Variants in LIMS2 observed in about 807,000 individuals in gnomAD.
The protein encoded by LIMS2 is LIM and senescent cell antigen-like-containing domain protein 2.
A neutral mutation model predicts 45.3 loss-of-function variants in LIMS2; 30 were observed. The ratio of observed to expected loss-of-function variants is 0.66; its 90% CI spans 0.50 to 0.90. LIMS2 has a LOEUF of 0.90. LIMS2 is among the 40% of genes least tolerant of loss of function. The pLI, the probability that LIMS2 is intolerant of heterozygous loss-of-function variation, is 0.00. For missense variants in LIMS2, 485 were observed against 468.7 expected, an observed-to-expected ratio of 1.03 and a Z score of -0.32; for synonymous variants, 173 against 188.0, an observed-to-expected ratio of 0.92 and a Z score of 0.65.
rs188121752 is a variant in LIMS2, at chr2:127,653,946, G to A, written c.359+478C>T. On this transcript the variant is annotated intron_variant, in intron 4 of 9. Coordinates refer to ENST00000355119, the MANE Select transcript of LIMS2 (RefSeq NM_001161403.3). This position sits in a 1 kb window ranked among gnomAD's most constrained non-coding sequence, Gnocchi z 5.3. ...CGGGCTGCACGGGATCTCAGAGCTA[G>A]GGCCAGGGGAGGTGGGAGACAAGGC... Among the ~76,000 whole-genome samples, 29 of 152,254 alleles carry A rather than the reference G, an allele frequency of 1.9e-4. 2 individuals are homozygous for A. In the East Asian group the frequency reaches 2.1e-3, roughly 11 times the overall value.
upstream of LIMS2, among the ~76,000 whole-genome samples, chr2:127,678,406 T>A (rs993883611): frequency 5.3e-5 from 8 of 152,144 alleles, no homozygotes; most frequent in South Asian, 1.4e-3. The surrounding 1 kb of genome is among the most constrained non-coding windows in gnomAD (Gnocchi z 5.3). Context: ...TCAACTTTGA[T>A]GAGTGCTTGA....
In LIMS2 at chr2:127,672,028, G is replaced by A. The variant is rs1286557998; in HGVS notation, c.11+2986C>T. Reference sequence around the variant, plus strand: ...GGGATCTAGCAGCCTGCTCTGCGCTGTACTAAGCATGGGCTCAGCACACAA... The same window carrying A: ...GGGATCTAGCAGCCTGCTCTGCGCTATACTAAGCATGGGCTCAGCACACAA... On this transcript the variant is annotated intron_variant, in intron 1 of 9. Transcript: ENST00000355119. The surrounding 1 kb of genome is among the most constrained non-coding windows in gnomAD (Gnocchi z 4.9). Among the ~76,000 whole-genome samples, 4 of 152,206 alleles carry A rather than the reference G, an allele frequency of 2.6e-5. No homozygotes were observed. Among genetic ancestry groups the A allele is most frequent in the Non-Finnish European group, 4.4e-5 (3 of 68,028 alleles).
At chr2:127,654,793 C>T in intron 3 of LIMS2, 37 bp downstream of exon 3, 1 of 1,607,160 alleles carries the variant, frequency 6.2e-7, no homozygotes, top group Non-Finnish European at 8.5e-7. Flanking sequence ...TGCCCACTTC[C>T]CAGGCAGCCC....
intron 1 of LIMS2, among the ~76,000 whole-genome samples, chr2:127,660,972 G>C (rs12620491): frequency 2.0e-5 from 3 of 152,222 alleles, no homozygotes; most frequent in African/African-American, 4.8e-5. Flanking sequence ...CCTGTGCCCA[G>C]GGGCTGCCCC....
chr2:127,664,538 A>C lies in LIMS2; in HGVS notation c.12-6976T>G. On this transcript the variant is annotated intron_variant, in intron 1 of 9. Transcript: ENST00000355119. The surrounding 1 kb of genome is among the most constrained non-coding windows in gnomAD (Gnocchi z 5.5). Reference sequence around the variant, plus strand: ...CCTCCCCCGCGCTGGTCGCGAGCTCACGTTACGCGCTGGGATCTCCAAAGG... The same window carrying C: ...CCTCCCCCGCGCTGGTCGCGAGCTCCCGTTACGCGCTGGGATCTCCAAAGG... The C allele has an allele frequency of 8.7e-7, 1 of 1,151,328 alleles. No individual in the cohort carries two copies. Among genetic ancestry groups the C allele is most frequent in the Non-Finnish European group, 1.1e-6 (1 of 936,794 alleles). The allele number at this position is 1,151,328 out of a possible 1,614,324, so 71.3% of individuals were successfully genotyped here. A position where few individuals can be genotyped will look rare whatever the true frequency, so the allele number is the denominator to read the frequency against.
intron 4 of LIMS2, chr2:127,643,529 C>T (rs147414825): frequency 3.4e-4 from 157 of 456,796 alleles, no homozygotes; most frequent in African/African-American, 3.0e-3. Flanking sequence ...TGAAGAAGGG[C>T]CCAAACACGT....
In LIMS2 at chr2:127,638,646, G is replaced by C. The variant is rs1024408633; in HGVS notation, c.*635C>G. On this transcript the variant is annotated 3_prime_UTR_variant, in exon 10 of 10. Coordinates refer to ENST00000355119, the MANE Select transcript of LIMS2 (RefSeq NM_001161403.3). ...GGCGGAACCGAGGGCGGAGGCCAAG[G>C]TGGGATTCCAGGAAGGCCTTCCGAA... 1 of 152,838 alleles carries C rather than the reference G, an allele frequency of 6.5e-6. No homozygotes were observed. The highest frequency in any genetic ancestry group is 2.4e-5 in the African/African-American group (1 of 41,486). 9.5% of individuals were successfully genotyped at this position (152,838 alleles called of 1,614,324 possible).
chr2:127,673,846 TG>T, intron 1 of LIMS2: 1 of 1,013,290 alleles, frequency 9.9e-7, no homozygotes, highest in Non-Finnish European at 1.5e-6. Context: ...AGGCAGCCAG[TG>T]GGCCTGCAGA....
Position 127,642,962 on chromosome 2 carries a change from T to C in LIMS2, c.470A>G (p.Asp157Gly). The change falls in exon 5 of 10, where the codon GAC (aspartate) becomes GGC (glycine). Residue 157 changes from aspartate to glycine, a missense_variant. Coordinates refer to ENST00000355119, the MANE Select transcript of LIMS2 (RefSeq NM_001161403.3). The surrounding 1 kb of genome is among the most constrained non-coding windows in gnomAD (Gnocchi z 5.3). Reference protein sequence around the residue: ...IDEQPLMFRSDAYHPDHFNCT... With the variant: ...IDEQPLMFRSGAYHPDHFNCT... Reference sequence around the variant, plus strand: ...GTTGAAGTGGTCAGGGTGGTAGGCGTCGCTCCTGAACATGAGGGGCTGCTC... The same window carrying C: ...GTTGAAGTGGTCAGGGTGGTAGGCGCCGCTCCTGAACATGAGGGGCTGCTC... 1 of 1,568,570 alleles carries C rather than the reference T, an allele frequency of 6.4e-7. No individual in the cohort carries two copies. Among genetic ancestry groups the C allele is most frequent in the Non-Finnish European group, 8.6e-7 (1 of 1,156,832 alleles).
At chr2:127,644,137 T>G (rs1353575940) in intron 4 of LIMS2, 4 of 456,068 alleles carry the variant, frequency 8.8e-6, no homozygotes, top group Non-Finnish European at 1.8e-5. Flanking sequence ...GGGTGTCTCA[T>G]CATCAGCTGT....
upstream of LIMS2, among the ~76,000 whole-genome samples, chr2:127,676,707 A>G (rs1281059842): frequency 1.3e-5 from 2 of 152,140 alleles, no homozygotes; most frequent in African/African-American, 4.8e-5. Flanking sequence ...GATTCGGCTT[A>G]ACTGTAATTT....
intron 4 of LIMS2, chr2:127,650,080 GT>G: frequency 6.2e-7 from 1 of 1,601,182 alleles, no homozygotes; most frequent in Non-Finnish European, 8.5e-7. Flanking sequence ...TCTCAGGTGG[GT>G]AAAAAGAGTA....
At chr2:127,643,338 T>C (rs1682624505) in intron 4 of LIMS2, 2 of 534,812 alleles carry the variant, frequency 3.7e-6, no homozygotes, top group South Asian at 3.6e-5. Flanking sequence ...CTCTTTCTAC[T>C]TTCTCTAAGC....
chr2:127,640,062 G>T lies in LIMS2; in HGVS notation c.878+8C>A, dbSNP rs775963174. The T allele has an allele frequency of 6.2e-7, 1 of 1,613,212 alleles. No homozygotes were observed. Among genetic ancestry groups the T allele is most frequent in the South Asian group, 1.1e-5 (1 of 91,074 alleles). On this transcript the variant is annotated splice_region_variant and intron_variant, in intron 9 of 9. Transcript: ENST00000355119. The stretch of plus-strand genomic sequence containing the variant: ...CCTGAGCCCCATCCCACGATCACAG[G>T]GACTCACTTCAGGGTGAGCTTGCTG...
chr2:127,640,610 G>C, intron 7 of LIMS2: 1 of 599,002 alleles, frequency 1.7e-6, no homozygotes, highest in Non-Finnish European at 3.0e-6. Flanking sequence ...AGCGCCCCCT[G>C]CCTTCTGTAC....
chr2:127,652,756 T>C (rs1190798254), intron 4 of LIMS2: 2 of 152,264 alleles, frequency 1.3e-5, no homozygotes, highest in Non-Finnish European at 2.9e-5. Flanking sequence ...GCTGGGGCTC[T>C]GGCAGCTCAC....
chr2:127,665,304 G>A (rs560383195), intron 1 of LIMS2, among the ~76,000 whole-genome samples: 68 of 152,256 alleles, frequency 4.5e-4, no homozygotes, highest in Non-Finnish European at 5.9e-5. Flanking sequence ...CTGAAAGCAA[G>A]AGCTGGCAGC....
chr2:127,658,998 G>A (rs1439253441), intron 1 of LIMS2, among the ~76,000 whole-genome samples: 1 of 152,226 alleles, frequency 6.6e-6, no homozygotes, highest in Non-Finnish European at 1.5e-5. Flanking sequence ...TCTGGGCAGG[G>A]CCAGTCTGAA....
At position 127,639,293 on chromosome 2, in the gene LIMS2, G is replaced by A. The variant is rs879575741; in HGVS notation, c.1014C>T (p.Leu338=). 24 of 1,613,608 alleles carry A rather than the reference G, an allele frequency of 1.5e-5. No individual in the cohort carries two copies. Among genetic ancestry groups the A allele is most frequent in the Non-Finnish European group, 2.0e-5 (24 of 1,179,852 alleles). ...CGCAAGAGGGCCTTCAGGCAGAGTTGAGGTCTGTGGCCTTGGGCTGGGCCT... is the reference window on the plus strand; with the variant it reads ...CGCAAGAGGGCCTTCAGGCAGAGTTAAGGTCTGTGGCCTTGGGCTGGGCCT... ...SRKAQPKATD[L]NSA The change falls in exon 10 of 10, where the codon CTC becomes CTT. Residue 338 remains leucine, a synonymous_variant. Transcript: ENST00000355119.
Sources: allele counts gnomAD v4.1 joint callset (sites outside exome capture counted in the v4.1 genomes callset), GRCh38; gene constraint gnomAD v4.1.1; non-coding constraint Gnocchi (gnomAD v3.1); transcripts MANE v1.5; gene names NCBI Gene and HGNC (gene_info 2026-07-23, HGNC 2026-07-21).